Variants in CXADR observed in about 807,000 individuals in gnomAD.
CXADR encodes coxsackievirus and adenovirus receptor.
Under a neutral mutation model 40.3 loss-of-function variants are expected in CXADR, and 20 were observed. The ratio of observed to expected loss-of-function variants is 0.50; its 90% confidence interval spans 0.35 to 0.72. The LOEUF (loss-of-function observed/expected upper bound fraction) is 0.72, where lower values mean the gene tolerates loss of function less well. CXADR is among the 30% of genes least tolerant of loss of function. The pLI is 0.01. For synonymous variants in CXADR, 150 were observed against 161.3 expected, an observed-to-expected ratio of 0.93 and a Z score of 0.53; for missense variants, 332 against 449.1, an observed-to-expected ratio of 0.74 and a Z score of 2.36.
chr21:17,522,470 A>G (rs2060544255), intron 1 of CXADR, among the ~76,000 whole-genome samples: 1 of 152,012 alleles, frequency 6.6e-6, no homozygotes, highest in Admixed American at 6.6e-5. Flanking sequence ...TATTAACCAG[A>G]TTTCTGGAAA....
intron 6 of CXADR, among the ~76,000 whole-genome samples, chr21:17,563,940 C>CAAAAAAAAAAAAAAAAAAAAAAAAAAAAA (rs35020228): frequency 2.7e-4 from 10 of 37,202 alleles, no homozygotes; most frequent in East Asian, 9.2e-4. Flanking sequence ...GACTCTGTCT[C>CAAAAAAAAAAAAAAAAAAAAAAAAAAAAA]AAAAAAAAAA....
chr21:17,629,367 G>A, the CXADR span, among the ~76,000 whole-genome samples: 1 of 137,292 alleles, frequency 7.3e-6, no homozygotes, highest in African/African-American at 2.8e-5. Flanking sequence ...GCGACAGAGA[G>A]AGAGAGAGAG....
chr21:17,528,439 C>G (rs988819804), intron 1 of CXADR, among the ~76,000 whole-genome samples: 1 of 151,420 alleles, frequency 6.6e-6, no homozygotes, highest in Non-Finnish European at 1.5e-5. Context: ...TGGAGTTTCG[C>G]TCGTTACCCA....
chr21:17,518,820 C>CA, intron 1 of CXADR: 2 of 1,566,366 alleles, frequency 1.3e-6, no homozygotes, highest in Non-Finnish European at 1.8e-6. Flanking sequence ...CATCTTTAAT[C>CA]ATGTTCATCT....
chr21:17,629,358 C>T, the CXADR span, among the ~76,000 whole-genome samples: 8 of 127,028 alleles, frequency 6.3e-5, no homozygotes, highest in African/African-American at 2.2e-4. Flanking sequence ...CCAGCCTGGG[C>T]GACAGAGAGA....
intron 2 of CXADR, among the ~76,000 whole-genome samples, chr21:17,550,836 C>A (rs984629129): frequency 1.3e-5 from 2 of 152,136 alleles, no homozygotes; most frequent in Non-Finnish European, 2.9e-5. Flanking sequence ...AGGCACAGGT[C>A]TTTGCTTTAG....
the CXADR span, chr21:17,604,741 A>G: frequency 7.3e-6 from 9 of 1,233,966 alleles, no homozygotes; most frequent in South Asian, 1.9e-5. Context: ...TTTACATCTG[A>G]GAGAGTTAAA....
the CXADR span, among the ~76,000 whole-genome samples, chr21:17,614,947 C>A: frequency 6.6e-6 from 1 of 152,132 alleles, no homozygotes; most frequent in South Asian, 2.1e-4. Flanking sequence ...CACAAAATCA[C>A]AAATGAATTG....
At chr21:17,619,341 G>A in the CXADR span, among the ~76,000 whole-genome samples, 3 of 149,576 alleles carry the variant, frequency 2.0e-5, no homozygotes, top group African/African-American at 7.7e-5. Flanking sequence ...CGTTCAAGGA[G>A]TTCAAGACCA....
chr21:17,577,551 G>A (rs1047347089), intron 7 of CXADR, among the ~76,000 whole-genome samples: 12 of 143,976 alleles, frequency 8.3e-5, no homozygotes, highest in Non-Finnish European at 1.6e-4. Context: ...GGGTTGTTGG[G>A]AAAAATGAAA....
intron 7 of CXADR, among the ~76,000 whole-genome samples, chr21:17,580,736 A>T (rs988471224): frequency 2.0e-5 from 3 of 152,152 alleles, no homozygotes; most frequent in Non-Finnish European, 4.4e-5. Flanking sequence ...TGTATTTTTT[A>T]AAAAATAAAA....
Position 17,513,182 on chromosome 21 carries a change from G to C in CXADR, c.43+10G>C. ...CTGTGCGGAGTAGTGGGTGAGTAGG[G>C]GCCATGGGGTCCTCAGCACCCGCCC... On this transcript the variant is annotated intron_variant, in intron 1 of 6. Transcript: ENST00000284878. 1 of 1,364,596 alleles carries C rather than the reference G, an allele frequency of 7.3e-7. No individual in the cohort carries two copies. The highest frequency in any genetic ancestry group is 9.5e-7 in the Non-Finnish European group (1 of 1,055,804). The allele number at this position is 1,364,596 out of a possible 1,614,324, so 84.5% of individuals were successfully genotyped here. A position where few individuals can be genotyped will look rare whatever the true frequency, so the allele number is the denominator to read the frequency against.
chr21:17,634,173 C>T, the CXADR span, among the ~76,000 whole-genome samples: 7 of 152,136 alleles, frequency 4.6e-5, no homozygotes, highest in Non-Finnish European at 1.0e-4. Flanking sequence ...TTTAAAAGCT[C>T]ATGAACCCAA....
chr21:17,546,575 A>G lies in CXADR; in HGVS notation c.44-452A>G, dbSNP rs538819157. ...CAGATCTCCTGAGAACTCACTCACT[A>G]TCAGCAAGGGGGAAATCCACCCCCA... On this transcript the variant is annotated intron_variant, in intron 1 of 6. Transcript: ENST00000284878. 1.4e-4 allele frequency among the ~76,000 whole-genome samples: 22 copies of G among 152,230 alleles called. 1 individual carries two copies. Among genetic ancestry groups the G allele is most frequent in the African/African-American group, 5.1e-4 (21 of 41,524 alleles).
intron 1 of CXADR, among the ~76,000 whole-genome samples, chr21:17,521,939 C>T (rs930133306): frequency 6.6e-5 from 10 of 152,168 alleles, no homozygotes; most frequent in African/African-American, 1.2e-4. Context: ...ATCTGGATTC[C>T]GTCAACTTTA....
chr21:17,593,847 TACTC>T, downstream of CXADR: 3 of 474,682 alleles, frequency 6.3e-6, no homozygotes, highest in Non-Finnish European at 1.1e-5. Context: ...AATATATAAA[TACTC>T]AAGTCCAATA....
downstream of CXADR, among the ~76,000 whole-genome samples, chr21:17,597,480 T>TG (rs1478683826): frequency 6.6e-6 from 1 of 151,840 alleles, no homozygotes; most frequent in Non-Finnish European, 1.5e-5. Context: ...GGAATGTCTC[T>TG]GGAAGGATAC....
chr21:17,519,040 C>T lies in CXADR; in HGVS notation c.43+5868C>T, dbSNP rs149265184. ...GGGAGGGTCCTCCAGCACCAGCACG[C>T]GGCAAGAGCAAGATGGCTGCCCGAT... On this transcript the variant is annotated intron_variant, in intron 1 of 6. Coordinates refer to ENST00000284878, the MANE Select transcript of CXADR (RefSeq NM_001338.5). 1,264 of 1,367,062 alleles carry T rather than the reference C, an allele frequency of 9.2e-4. 9 individuals carry two copies. In the African/African-American group the frequency reaches 0.016, roughly 17 times the overall value. The allele number at this position is 1,367,062 out of a possible 1,614,324, so 84.7% of individuals were successfully genotyped here.
Position 17,566,948 on chromosome 21 carries a change from A to AG in CXADR, c.*1256_*1257insG. 1 of 745,894 alleles carries AG rather than the reference A, an allele frequency of 1.3e-6. No homozygotes were observed. Among genetic ancestry groups the AG allele is most frequent in the Non-Finnish European group, 1.5e-6 (1 of 658,330 alleles). 46.2% of individuals were successfully genotyped at this position (745,894 alleles called of 1,614,324 possible). On this transcript the variant is annotated 3_prime_UTR_variant, in exon 7 of 7. Coordinates refer to ENST00000284878, the MANE Select transcript of CXADR (RefSeq NM_001338.5). Reference sequence around the variant, plus strand: ...GTTTTGTGAAGGTGATTTATTCTTAAAAAAAAAAAAGAAAGAAAAAGAAAA... The same window carrying AG: ...GTTTTGTGAAGGTGATTTATTCTTAAGAAAAAAAAAAGAAAGAAAAAGAAAA...
Sources: gnomAD v4.1 joint callset for allele counts (sites outside exome capture counted in the v4.1 genomes callset) on GRCh38, gnomAD v4.1.1 for gene constraint, MANE v1.5 for transcripts, NCBI Gene and HGNC (gene_info 2026-07-23, HGNC 2026-07-21) for gene names.